Variants in TENT2 observed in about 807,000 individuals in gnomAD.
TENT2 encodes the protein terminal nucleotidyltransferase 2.
In TENT2, 44 loss-of-function variants were observed where a neutral mutation model predicts 72.2. The ratio of observed to expected loss-of-function variants is 0.61; its 90% CI spans 0.48 to 0.78. TENT2 has a LOEUF of 0.78. Ranked by LOEUF, TENT2 falls within the 30% of genes least tolerant of loss-of-function variation. The pLI is 0.00. For missense variants in TENT2, 541 were observed against 569.6 expected, an observed-to-expected ratio of 0.95 and a Z score of 0.51; for synonymous variants, 212 against 192.5, an observed-to-expected ratio of 1.10 and a Z score of -0.84.
intron 9 of TENT2, 92 bp downstream of exon 9, chr5:79,648,785 G>A: frequency 1.0e-6 from 1 of 993,732 alleles, no homozygotes; most frequent in Non-Finnish European, 1.5e-6. Context: ...CTCTTTAGTT[G>A]TGTTTAAGTA....
In TENT2 at chr5:79,612,536, C is replaced by A. The variant is rs947597668; in HGVS notation, c.-577C>A. 6.5e-6 allele frequency: 1 copy of A among 153,040 alleles called. No homozygotes were observed. The highest frequency in any genetic ancestry group is 2.4e-5 in the African/African-American group (1 of 41,464). The allele number at this position is 153,040 out of a possible 1,614,324, so 9.5% of individuals were successfully genotyped here. On this transcript the variant is annotated 5_prime_UTR_variant, in exon 1 of 15. Coordinates refer to ENST00000453514, the MANE Select transcript of TENT2 (RefSeq NM_001114394.3). ...GCTCTTCCGCTTTTTGCCACCGCCC[C>A]CAACCTTCTATATCCTTGCAGCCCC...
intron 4 of TENT2, among the ~76,000 whole-genome samples, chr5:79,634,167 A>C (rs1340777784): frequency 1.3e-5 from 2 of 151,548 alleles, no homozygotes; most frequent in South Asian, 2.1e-4. Context: ...AAAAAAAAAA[A>C]AAAAAACTTT....
At chr5:79,670,267 TCA>T (rs1303783408) in intron 12 of TENT2, among the ~76,000 whole-genome samples, 2 of 152,018 alleles carry the variant, frequency 1.3e-5, no homozygotes, top group Admixed American at 1.3e-4. Context: ...GACACAGAAT[TCA>T]CACTTAACTG....
chr5:79,642,477 G>A (rs957194625), intron 6 of TENT2, among the ~76,000 whole-genome samples: 3 of 152,188 alleles, frequency 2.0e-5, no homozygotes, highest in Middle Eastern at 3.4e-3. Flanking sequence ...CTATCCTTGA[G>A]CAGCTTAAAA....
intron 14 of TENT2, among the ~76,000 whole-genome samples, chr5:79,684,777 T>C (rs1015712693): frequency 7.2e-5 from 11 of 152,228 alleles, no homozygotes; most frequent in Non-Finnish European, 1.3e-4. Flanking sequence ...CATAAAAATA[T>C]GGAGTTTTTA....
intron 4 of TENT2, among the ~76,000 whole-genome samples, chr5:79,629,887 G>A (rs62365173): frequency 0.21 from 30,580 of 147,826 alleles, 4,533 homozygotes; most frequent in African/African-American, 0.42. Context: ...TAATCCCAGC[G>A]CTTTGGGAGG....
intron 12 of TENT2, among the ~76,000 whole-genome samples, chr5:79,676,941 T>A (rs1288600093): frequency 6.6e-6 from 1 of 152,174 alleles, no homozygotes; most frequent in Non-Finnish European, 1.5e-5. Flanking sequence ...GGGAAGATAT[T>A]TCTAAATTAC....
At chr5:79,640,825 T>A in intron 4 of TENT2, 26 bp from the exon 5 acceptor site, 1 of 1,499,578 alleles carries the variant, frequency 6.7e-7, no homozygotes, top group Non-Finnish European at 9.2e-7. Context: ...AACAAAACTT[T>A]TACTTTTTTT....
chr5:79,679,756 T>C, intron 13 of TENT2, 86 bp downstream of exon 13: 1 of 703,572 alleles, frequency 1.4e-6, no homozygotes, highest in East Asian at 3.1e-5. Flanking sequence ...TTAAAAGTAA[T>C]ACATTTATGT....
chr5:79,629,713 G>T (rs763738853), intron 4 of TENT2, among the ~76,000 whole-genome samples: 11 of 151,938 alleles, frequency 7.2e-5, no homozygotes, highest in Non-Finnish European at 1.3e-4. Context: ...TGTAGTCCCA[G>T]CTACTTGGGA....
intron 10 of TENT2, among the ~76,000 whole-genome samples, chr5:79,655,908 C>T (rs901748242): frequency 5.3e-5 from 8 of 151,776 alleles, no homozygotes; most frequent in African/African-American, 1.9e-4. Flanking sequence ...AAAATTTATA[C>T]CCTTTTAATT....
chr5:79,626,554 T>G lies in TENT2; in HGVS notation c.465+3065T>G, dbSNP rs1770102345. On this transcript the variant is annotated intron_variant, in intron 4 of 14. Transcript: ENST00000453514. ...GATCTCCTGACCTCGTGATCCACCC[T>G]CCTTGGCCTCCCAAAGTGCTGGAAT... Among the ~76,000 whole-genome samples, 3 of 151,648 alleles carry G rather than the reference T, an allele frequency of 2.0e-5. No homozygotes were observed. The South Asian group carries it at 6.3e-4, about 32-fold the overall frequency.
At position 79,649,200 on chromosome 5, in the gene TENT2, A is replaced by T; in HGVS notation, c.1027+10A>T. 6.2e-7 allele frequency: 1 copy of T among 1,609,972 alleles called. No homozygotes were observed. Among genetic ancestry groups the T allele is most frequent in the Non-Finnish European group, 8.5e-7 (1 of 1,177,370 alleles). On this transcript the variant is annotated intron_variant, in intron 10 of 14. Coordinates refer to ENST00000453514, the MANE Select transcript of TENT2 (RefSeq NM_001114394.3). ...TTGCACTATTTACAAAGTAAGTATA[A>T]TGGGGTTTTACCCAATTTTTAAAAG...
intron 12 of TENT2, among the ~76,000 whole-genome samples, chr5:79,673,564 G>A (rs56080470): frequency 0.12 from 18,157 of 149,646 alleles, 1,629 homozygotes; most frequent in African/African-American, 0.26. Context: ...TTTCCCTAGT[G>A]TATGTCTTGG....
At chr5:79,679,699 A>G in intron 13 of TENT2, 29 bp downstream of exon 13, 1 of 1,301,634 alleles carries the variant, frequency 7.7e-7, no homozygotes, top group Non-Finnish European at 1.1e-6. Flanking sequence ...TCTACGTATC[A>G]TCATGGTACT....
intron 9 of TENT2, 141 bp downstream of exon 9, chr5:79,648,834 A>G: frequency 2.5e-6 from 2 of 797,592 alleles, no homozygotes; most frequent in Non-Finnish European, 3.9e-6. Flanking sequence ...TGCTACACTA[A>G]AATCATATAC....
intron 10 of TENT2, among the ~76,000 whole-genome samples, chr5:79,650,379 G>A (rs555030325): frequency 2.0e-5 from 3 of 151,896 alleles, no homozygotes; most frequent in South Asian, 4.1e-4. Flanking sequence ...CTACCAAAAC[G>A]TGAATTATTA....
At chr5:79,630,947 G>T (rs1024264023) in intron 4 of TENT2, among the ~76,000 whole-genome samples, 10 of 151,962 alleles carry the variant, frequency 6.6e-5, no homozygotes, top group Non-Finnish European at 2.9e-5. Context: ...CAAGTGAGAG[G>T]CAATGGTACT....
intron 11 of TENT2, among the ~76,000 whole-genome samples, chr5:79,662,444 A>G (rs1031839959): frequency 6.6e-6 from 1 of 152,254 alleles, no homozygotes; most frequent in Non-Finnish European, 1.5e-5. Context: ...TGGAATCACT[A>G]TCTGTGGCAG....
Sources: gnomAD v4.1 joint callset for allele counts (sites outside exome capture counted in the v4.1 genomes callset) on GRCh38, gnomAD v4.1.1 for gene constraint, MANE v1.5 for transcripts, NCBI Gene and HGNC (gene_info 2026-07-23, HGNC 2026-07-21) for gene names.